The following DHX58 variants were observed in gnomAD, a reference collection of about 807,000 sequenced individuals.
The protein encoded by DHX58 is ATP-dependent RNA helicase DHX58.
DHX58 carries 51 observed loss-of-function variants against 65.0 expected under a neutral mutation model. The observed-to-expected ratio is 0.78, with a 90% CI of 0.63 to 0.99. The LOEUF (loss-of-function observed/expected upper bound fraction) is 0.99, where lower values mean the gene tolerates loss of function less well. Among genes scored for constraint, DHX58 ranks in the 50% least tolerant of loss-of-function variants. DHX58 has a pLI of 0.00. For synonymous variants in DHX58, 350 were observed against 365.0 expected (o/e 0.96, Z 0.47); for missense variants, 773 against 891.8 (o/e 0.87, Z 1.70).
chr17:42,108,224 T>C, intron 6 of DHX58, 116 bp from the exon 7 acceptor site: 2 of 1,499,928 alleles, frequency 1.3e-6, no homozygotes, highest in Non-Finnish European at 1.8e-6. Flanking sequence ...CTGTCTTAGC[T>C]GTGGTGTGAG....
chr17:42,105,184 G>C lies in DHX58; in HGVS notation c.1252-17C>G. The C allele has an allele frequency of 1.3e-6, 2 of 1,595,878 alleles. No individual in the cohort carries two copies. The highest frequency in any genetic ancestry group is 2.3e-5 in the South Asian group (2 of 88,832). ...CTGGTCCCTCTGCAGGCGGAGGGCA[G>C]GGAGGAGAAAGAGGCTGGTACATGA... On this transcript the variant is annotated splice_polypyrimidine_tract_variant and intron_variant, in intron 9 of 13. Transcript: ENST00000251642.
chr17:42,102,610 C>T, intron 12 of DHX58: 1 of 280,616 alleles, frequency 3.6e-6, no homozygotes, highest in Admixed American at 4.9e-5. Context: ...CCACCAACTG[C>T]TAGAGGGATC....
Sources: allele counts gnomAD v4.1 joint callset, GRCh38; gene constraint gnomAD v4.1.1; transcripts MANE v1.5; gene names NCBI Gene and HGNC (gene_info 2026-07-23, HGNC 2026-07-21).